Variants in ZNF81 observed in about 807,000 individuals in gnomAD.
ZNF81 encodes the protein zinc finger protein 81, also known as zinc finger protein 81 (HFZ20).
A neutral mutation model predicts 32.3 loss-of-function variants in ZNF81; 5 were observed. The ratio of observed to expected loss-of-function variants is 0.15; its 90% confidence interval spans 0.08 to 0.33. The LOEUF is 0.33. ZNF81 is among the 10% of genes least tolerant of loss of function. ZNF81 has a pLI of 1.00. For missense variants in ZNF81, 379 were observed against 479.8 expected, an observed-to-expected ratio of 0.79 and a Z score of 1.96; for synonymous variants, 163 against 166.8, an observed-to-expected ratio of 0.98 and a Z score of 0.17.
intron 2 of ZNF81, among the ~76,000 whole-genome samples, chrX:47,886,601 CTTTT>C (rs564623338): frequency 8.3e-5 from 8 of 96,166 alleles, no homozygotes; most frequent in Non-Finnish European, 1.5e-4. Flanking sequence ...CTCTCTCTCT[CTTTT>C]TTTTTTTTTT....
At chrX:47,905,843 A>G (rs1361675027) in intron 4 of ZNF81, among the ~76,000 whole-genome samples, 2 of 112,606 alleles carry the variant, frequency 1.8e-5, no homozygotes, top group African/African-American at 6.5e-5. Flanking sequence ...TGATTTCTCA[A>G]AGCGTAGCCA....
chrX:47,917,203 A>G lies in ZNF81; in HGVS notation c.*571A>G, dbSNP rs1481666991. 1 of 294,073 alleles carries G rather than the reference A, an allele frequency of 3.4e-6. No individual in the cohort carries two copies. The highest frequency in any genetic ancestry group is 6.2e-5 in the Admixed American group (1 of 16,149). The allele number at this position is 294,073 out of a possible 1,213,427, so 24.2% of individuals were successfully genotyped here. A position where few individuals can be genotyped will look rare whatever the true frequency, so the allele number is the denominator to read the frequency against. On this transcript the variant is annotated 3_prime_UTR_variant, in exon 5 of 5. Transcript: ENST00000338637. ...AATATGTCTATCAAATATGTTTCTTATTGAATATTTCTATCAAGTGAATCC... is the reference window on the plus strand; with the variant it reads ...AATATGTCTATCAAATATGTTTCTTGTTGAATATTTCTATCAAGTGAATCC...
At chrX:47,852,444 A>G (rs1471394805) in intron 2 of ZNF81, among the ~76,000 whole-genome samples, 4 of 112,331 alleles carry the variant, frequency 3.6e-5, no homozygotes, top group Non-Finnish European at 7.5e-5. Flanking sequence ...ATTGGAGTCA[A>G]TCGTCTCAAA....
chrX:47,856,209 G>A (rs941027144), intron 2 of ZNF81, among the ~76,000 whole-genome samples: 27 of 111,136 alleles, frequency 2.4e-4, no homozygotes, highest in African/African-American at 8.5e-4. Context: ...ATATATGAAT[G>A]TATATCATTA....
intron 3 of ZNF81, 52 bp downstream of exon 3, chrX:47,888,177 G>T: frequency 8.5e-7 from 1 of 1,181,605 alleles, no homozygotes; most frequent in Admixed American, 2.4e-5. Flanking sequence ...GGGTTAAATT[G>T]TGCCCCCAAA....
At chrX:47,886,576 GTTTTC>G (rs782338742) in intron 2 of ZNF81, among the ~76,000 whole-genome samples, 18 of 105,705 alleles carry the variant, frequency 1.7e-4, no homozygotes, top group Non-Finnish European at 2.9e-4. Flanking sequence ...AACACTGGTG[GTTTTC>G]TTTTCTTTTC....
chrX:47,861,829 A>G (rs2058541679), intron 2 of ZNF81, among the ~76,000 whole-genome samples: 1 of 112,490 alleles, frequency 8.9e-6, no homozygotes. Flanking sequence ...TAGCAATCGC[A>G]TAAATTCTAT....
intron 2 of ZNF81, among the ~76,000 whole-genome samples, chrX:47,864,431 AGT>A (rs1556882976): frequency 1.8e-5 from 2 of 112,073 alleles, no homozygotes; most frequent in African/African-American, 6.5e-5. Flanking sequence ...AGACGTCAAC[AGT>A]GGTGCAACCT....
chrX:47,878,501 C>T (rs1319418375), intron 2 of ZNF81, among the ~76,000 whole-genome samples: 1 of 112,512 alleles, frequency 8.9e-6, no homozygotes, highest in African/African-American at 3.2e-5. Context: ...CAATGACATC[C>T]CCCGATTGGG....
chrX:47,905,468 A>C (rs1210989862), intron 4 of ZNF81, among the ~76,000 whole-genome samples: 1 of 107,997 alleles, frequency 9.3e-6, no homozygotes, highest in Non-Finnish European at 1.9e-5. Flanking sequence ...ACTATGATGA[A>C]AGTTTCTTAT....
At chrX:47,881,992 G>T (rs1286336450) in intron 2 of ZNF81, among the ~76,000 whole-genome samples, 1 of 111,190 alleles carries the variant, frequency 9.0e-6, no homozygotes, top group Non-Finnish European at 1.9e-5. Context: ...GCCCAGCCTA[G>T]TCTCAAGCTT....
chrX:47,910,795 C>T (rs1556889824), intron 4 of ZNF81, among the ~76,000 whole-genome samples: 1 of 112,025 alleles, frequency 8.9e-6, no homozygotes, highest in Non-Finnish European at 1.9e-5. Flanking sequence ...GAATTGGGAT[C>T]ATCATTACCC....
At chrX:47,911,477 G>C (rs1470705490) in intron 4 of ZNF81, among the ~76,000 whole-genome samples, 1 of 106,278 alleles carries the variant, frequency 9.4e-6, no homozygotes, top group Non-Finnish European at 1.9e-5. Context: ...ATTTTTGAAA[G>C]TCTCTGAAAG....
intron 4 of ZNF81, among the ~76,000 whole-genome samples, chrX:47,899,010 G>T (rs781968953): frequency 9.0e-6 from 1 of 111,522 alleles, no homozygotes; most frequent in Non-Finnish European, 1.9e-5. Flanking sequence ...AGTTCCTCAG[G>T]ATTTTTCATA....
chrX:47,886,196 T>G (rs1427531073), intron 2 of ZNF81, among the ~76,000 whole-genome samples: 1 of 112,411 alleles, frequency 8.9e-6, no homozygotes, highest in Non-Finnish European at 1.9e-5. Flanking sequence ...CATTTTCTCT[T>G]GAGCCTCTTC....
chrX:47,894,321 G>T (rs2148032693), intron 3 of ZNF81, among the ~76,000 whole-genome samples: 1 of 111,401 alleles, frequency 9.0e-6, no homozygotes, highest in South Asian at 3.8e-4. Context: ...GATATCAAGG[G>T]TGATCAGATA....
At chrX:47,856,380 A>G (rs73489331) in intron 2 of ZNF81, among the ~76,000 whole-genome samples, 7,269 of 111,237 alleles carry the variant, frequency 0.065, 285 homozygotes, top group African/African-American at 0.15. Flanking sequence ...TTCTGGTCTT[A>G]TGTTGGGATG....
rs1569395739 is a variant in ZNF81, at chrX:47,917,129, A to T, written c.*497A>T. 1 of 286,020 alleles carries T rather than the reference A, an allele frequency of 3.5e-6. No homozygotes were observed. The highest frequency in any genetic ancestry group is 4.9e-5 in the East Asian group (1 of 20,516). The allele number at this position is 286,020 out of a possible 1,213,427, so 23.6% of individuals were successfully genotyped here. ...CAGTGCAGAACAGGAGGAATATTACATTTTTTTTCAAATTTAGAATAATTA... is the reference window on the plus strand; with the variant it reads ...CAGTGCAGAACAGGAGGAATATTACTTTTTTTTTCAAATTTAGAATAATTA... On this transcript the variant is annotated 3_prime_UTR_variant, in exon 5 of 5. Coordinates refer to ENST00000338637, the MANE Select transcript of ZNF81 (RefSeq NM_007137.5).
chrX:47,883,228 T>A (rs1378310526), intron 2 of ZNF81, among the ~76,000 whole-genome samples: 2 of 111,883 alleles, frequency 1.8e-5, no homozygotes, highest in Non-Finnish European at 3.8e-5. Context: ...TCAAGTATTT[T>A]GCTCATTAAA....
Sources: allele counts gnomAD v4.1 joint callset (sites outside exome capture counted in the v4.1 genomes callset), GRCh38; gene constraint gnomAD v4.1.1; transcripts MANE v1.5; gene names NCBI Gene and HGNC (gene_info 2026-07-23, HGNC 2026-07-21).